Variants in FAM107B observed in about 807,000 individuals in gnomAD.
FAM107B encodes family with sequence similarity 107 member B, also known as protein FAM107B.
Under a neutral mutation model 31.5 loss-of-function variants are expected in FAM107B, and 21 were observed. The ratio of observed to expected loss-of-function variants is 0.67; its 90% CI spans 0.47 to 0.96. The LOEUF (loss-of-function observed/expected upper bound fraction) is 0.96, where lower values mean the gene tolerates loss of function less well. Among genes scored for constraint, FAM107B ranks in the 40% least tolerant of loss-of-function variants. The pLI, the probability that FAM107B is intolerant of heterozygous loss-of-function variation, is 0.00. For synonymous variants in FAM107B, 157 were observed against 141.5 expected (o/e 1.11, Z -0.78); for missense variants, 452 against 377.1 (o/e 1.20, Z -1.64).
intron 2 of FAM107B, among the ~76,000 whole-genome samples, chr10:14,552,381 A>G (rs193029918): frequency 1.9e-3 from 296 of 152,322 alleles, no homozygotes; most frequent in African/African-American, 7.0e-3. Flanking sequence ...TAAAGAACTC[A>G]GATAAACTTT....
chr10:14,722,187 A>T (rs953689077), intron 1 of FAM107B, among the ~76,000 whole-genome samples: 1 of 152,224 alleles, frequency 6.6e-6, no homozygotes, highest in Non-Finnish European at 1.5e-5. Flanking sequence ...ATTAGCAGTC[A>T]TTCCCCATTC....
chr10:14,528,290 T>C (rs1448736654), intron 3 of FAM107B, among the ~76,000 whole-genome samples: 1 of 146,148 alleles, frequency 6.8e-6, no homozygotes, highest in Non-Finnish European at 1.5e-5. Flanking sequence ...CAAGCAATTC[T>C]CCTGCCTCAG....
At chr10:14,671,067 C>T (rs894462393) in intron 1 of FAM107B, among the ~76,000 whole-genome samples, 1 of 100,300 alleles carries the variant, frequency 1.0e-5, no homozygotes, top group African/African-American at 3.6e-5. Flanking sequence ...CTCTTTAAAG[C>T]CATCTCATCC....
intron 2 of FAM107B, among the ~76,000 whole-genome samples, chr10:14,629,280 TTATAAA>T (rs1357616293): frequency 8.1e-6 from 1 of 123,170 alleles, no homozygotes; most frequent in East Asian, 2.2e-4. Context: ...TTTATATATA[TTATAAA>T]TATAAATTGT....
intron 1 of FAM107B, among the ~76,000 whole-genome samples, chr10:14,690,174 C>T (rs936064644): frequency 7.2e-5 from 11 of 152,166 alleles, no homozygotes; most frequent in Admixed American, 6.5e-4. Context: ...TCTGGCTTCT[C>T]ACCGGATTCA....
chr10:14,700,279 G>A (rs890104224), intron 1 of FAM107B, among the ~76,000 whole-genome samples: 4 of 152,150 alleles, frequency 2.6e-5, no homozygotes, highest in Non-Finnish European at 5.9e-5. Flanking sequence ...GATGCAGGGA[G>A]AGTGGCGAAC....
At chr10:14,759,846 C>G (rs2609815) in intron 1 of FAM107B, among the ~76,000 whole-genome samples, 20,277 of 151,688 alleles carry the variant, frequency 0.13, 1,607 homozygotes, top group East Asian at 0.27. Context: ...CGAGTGTCTG[C>G]GACTACAGGT....
chr10:14,749,643 G>A (rs905099049), intron 1 of FAM107B, among the ~76,000 whole-genome samples: 6 of 152,128 alleles, frequency 3.9e-5, no homozygotes, highest in African/African-American at 7.2e-5. Flanking sequence ...GATGGGAACC[G>A]AGCCAGCAGC....
chr10:14,774,435 G>C lies in FAM107B; in HGVS notation c.229C>G (p.Gln77Glu). ...PSAEGAPEKR[Q>E]DSSTHAERNG... The stretch of plus-strand genomic sequence containing the variant: ...CTCTCTGCATGGGTGCTCGAATCTT[G>C]CCTTTTCTCTGGAGCTCCTTCTGCG... Residue 77 changes from glutamine (Q) to glutamate (E), a missense_variant, in exon 1 of 5, where the codon CAA (glutamine) becomes GAA (glutamate). Gln to Glu is a conservative substitution (Grantham distance 29). Coordinates refer to ENST00000181796, the MANE Select transcript of FAM107B (RefSeq NM_031453.4). 1 of 1,614,176 alleles carries C rather than the reference G, an allele frequency of 6.2e-7. No individual in the cohort carries two copies. The highest frequency in any genetic ancestry group is 8.5e-7 in the Non-Finnish European group (1 of 1,180,032).
intron 2 of FAM107B, among the ~76,000 whole-genome samples, chr10:14,549,220 G>A (rs970233141): frequency 6.6e-6 from 1 of 152,174 alleles, no homozygotes; most frequent in Non-Finnish European, 1.5e-5. Context: ...AGCCTAAAGA[G>A]ACTAAGACAC....
chr10:14,521,136 G>A lies in FAM107B; in HGVS notation c.*54C>T, dbSNP rs1181381212. 2 of 1,345,734 alleles carry A rather than the reference G, an allele frequency of 1.5e-6. No individual in the cohort carries two copies. Among genetic ancestry groups the A allele is most frequent in the East Asian group, 4.8e-5 (2 of 41,946 alleles). 83.4% of individuals were successfully genotyped at this position (1,345,734 alleles called of 1,614,324 possible). A position where few individuals can be genotyped will look rare whatever the true frequency, so the allele number is the denominator to read the frequency against. On this transcript the variant is annotated 3_prime_UTR_variant, in exon 5 of 5. Transcript: ENST00000181796. ...GGGCTTTTGCCCTGAGATTGAGAAG[G>A]CACCCACAGACAGCTCTGTGGGGTG...
chr10:14,758,484 C>T (rs140093766), intron 1 of FAM107B, among the ~76,000 whole-genome samples: 222 of 152,182 alleles, frequency 1.5e-3, no homozygotes, highest in Middle Eastern at 6.8e-3. Context: ...GTTCCATCTC[C>T]GAACAATTAA....
intron 2 of FAM107B, among the ~76,000 whole-genome samples, chr10:14,560,221 T>C (rs181949403): frequency 8.5e-5 from 13 of 152,244 alleles, no homozygotes; most frequent in African/African-American, 3.1e-4. Context: ...TTTCATCTTT[T>C]TTTTCTTTCC....
intron 2 of FAM107B, chr10:14,602,743 T>C (rs985965578): frequency 6.6e-5 from 10 of 152,356 alleles, no homozygotes; most frequent in South Asian, 4.1e-4. Flanking sequence ...TTCAAAAATA[T>C]AGTCCATGAA....
intron 2 of FAM107B, among the ~76,000 whole-genome samples, chr10:14,606,730 A>C (rs1243205442): frequency 1.3e-5 from 2 of 151,072 alleles, no homozygotes; most frequent in African/African-American, 2.4e-5. Context: ...CCCTTTCCCC[A>C]CTCTCTCTTT....
intron 1 of FAM107B, among the ~76,000 whole-genome samples, chr10:14,741,557 C>T (rs1486535952): frequency 3.9e-5 from 6 of 152,124 alleles, no homozygotes; most frequent in Non-Finnish European, 5.9e-5. Flanking sequence ...AAACACTGAC[C>T]CCAGATCTGA....
intron 1 of FAM107B, among the ~76,000 whole-genome samples, chr10:14,764,867 T>C (rs1456001352): frequency 1.3e-5 from 2 of 152,240 alleles, no homozygotes; most frequent in Non-Finnish European, 2.9e-5. Flanking sequence ...ATTTCAGCTA[T>C]ACACACGTAG....
chr10:14,674,502 A>G (rs1854634861), intron 1 of FAM107B, among the ~76,000 whole-genome samples: 2 of 152,186 alleles, frequency 1.3e-5, no homozygotes, highest in South Asian at 2.1e-4. Flanking sequence ...CTAGAGAGAC[A>G]TGTGTTTGCC....
At chr10:14,599,398 T>A (rs546297775) in intron 2 of FAM107B, among the ~76,000 whole-genome samples, 1 of 152,156 alleles carries the variant, frequency 6.6e-6, no homozygotes, top group Non-Finnish European at 1.5e-5. Flanking sequence ...CCCCAAGACT[T>A]TGCTGTGTGG....
Sources: allele counts gnomAD v4.1 joint callset (sites outside exome capture counted in the v4.1 genomes callset), GRCh38; gene constraint gnomAD v4.1.1; transcripts MANE v1.5; gene names NCBI Gene and HGNC (gene_info 2026-07-23, HGNC 2026-07-21).